GPBP1L1: variants seen among roughly 807,000 people sequenced by gnomAD.
The protein encoded by GPBP1L1 is GC-rich promoter binding protein 1 like 1, also known as vasculin-like protein 1.
A neutral mutation model predicts 52.5 loss-of-function variants in GPBP1L1; 23 were observed. The ratio of observed to expected loss-of-function variants is 0.44; its 90% CI spans 0.32 to 0.62. The LOEUF (loss-of-function observed/expected upper bound fraction) is 0.62. GPBP1L1 is among the 20% of genes least tolerant of loss of function. The probability of loss-of-function intolerance (pLI) is 0.06; values close to 1 mark genes in which losing one functional copy is unlikely to be tolerated. For synonymous variants in GPBP1L1, 243 were observed against 203.1 expected (o/e 1.20, Z -1.67); for missense variants, 596 against 579.3 (o/e 1.03, Z -0.30).
At chr1:45,645,085 T>A (rs919930342) in intron 6 of GPBP1L1, among the ~76,000 whole-genome samples, 1 of 152,218 alleles carries the variant, frequency 6.6e-6, no homozygotes, top group Non-Finnish European at 1.5e-5. Flanking sequence ...CAATTTGGCT[T>A]CTAAATCCTT....
chr1:45,673,854 G>A (rs548466711), intron 2 of GPBP1L1, among the ~76,000 whole-genome samples: 9 of 152,224 alleles, frequency 5.9e-5, no homozygotes, highest in Admixed American at 2.6e-4. Flanking sequence ...GCAAGACTCC[G>A]TCTCAAACAA....
At chr1:45,630,730 AT>A (rs10708598) in intron 10 of GPBP1L1, 124 bp from the exon 11 acceptor site, 293,776 of 1,032,956 alleles carry the variant, frequency 0.28, 45,244 homozygotes, top group South Asian at 0.36. Flanking sequence ...CAGCCCACAG[AT>A]TTTTTTCCCC....
chr1:45,642,793 T>A (rs1409639564), intron 6 of GPBP1L1, among the ~76,000 whole-genome samples: 1 of 152,198 alleles, frequency 6.6e-6, no homozygotes, highest in Admixed American at 6.5e-5. Context: ...TCCTATAGGA[T>A]ATGTATGCCA....
At chr1:45,683,979 C>T (rs948499385) in intron 2 of GPBP1L1, among the ~76,000 whole-genome samples, 1 of 151,220 alleles carries the variant, frequency 6.6e-6, no homozygotes. Flanking sequence ...ACAAGCCGGG[C>T]GGGGGCGGTG....
chr1:45,644,605 T>C (rs576255668), intron 6 of GPBP1L1, among the ~76,000 whole-genome samples: 1 of 152,312 alleles, frequency 6.6e-6, no homozygotes, highest in South Asian at 2.1e-4. Flanking sequence ...ACTATAGTTT[T>C]GTCTCCAAAA....
intron 2 of GPBP1L1, among the ~76,000 whole-genome samples, chr1:45,668,327 T>A (rs1002229956): frequency 1.1e-4 from 17 of 152,224 alleles, no homozygotes; most frequent in African/African-American, 3.6e-4. Flanking sequence ...TGAAATTTTT[T>A]AAGTACCTAA....
chr1:45,668,370 C>G (rs562831554), intron 2 of GPBP1L1, among the ~76,000 whole-genome samples: 45 of 152,252 alleles, frequency 3.0e-4, no homozygotes, highest in Non-Finnish European at 5.4e-4. Context: ...AACAGAACAC[C>G]TAGCCAGGTG....
At chr1:45,666,442 G>A (rs1286621336) in intron 2 of GPBP1L1, among the ~76,000 whole-genome samples, 4 of 152,074 alleles carry the variant, frequency 2.6e-5, no homozygotes, top group South Asian at 4.1e-4. Flanking sequence ...CACCGCGCTC[G>A]GCCTCAAAGT....
intron 6 of GPBP1L1, among the ~76,000 whole-genome samples, chr1:45,653,043 A>T (rs1362494302): frequency 1.3e-5 from 2 of 152,218 alleles, no homozygotes; most frequent in Admixed American, 1.3e-4. Context: ...GGCAGTATAG[A>T]CCTTCCTGAG....
At chr1:45,633,410 T>C (rs1644554907) in intron 10 of GPBP1L1, 79 bp downstream of exon 10, 11 of 1,479,024 alleles carry the variant, frequency 7.4e-6, no homozygotes, top group Admixed American at 5.5e-5. Context: ...GCCACATCTT[T>C]ATCCTTTAAG....
intron 6 of GPBP1L1, among the ~76,000 whole-genome samples, chr1:45,650,063 CAT>C (rs1483184954): frequency 3.9e-5 from 6 of 152,100 alleles, no homozygotes; most frequent in African/African-American, 1.4e-4. Context: ...TAAGAGTAAA[CAT>C]ATTAATATTG....
chr1:45,655,686 A>C (rs1413856705), intron 4 of GPBP1L1: 2 of 163,286 alleles, frequency 1.2e-5, no homozygotes, highest in African/African-American at 4.8e-5. Context: ...TTGCCTCAAA[A>C]ATAATTCTAA....
At chr1:45,643,060 T>C (rs1644694297) in intron 6 of GPBP1L1, among the ~76,000 whole-genome samples, 1 of 151,962 alleles carries the variant, frequency 6.6e-6, no homozygotes, top group East Asian at 1.9e-4. Flanking sequence ...ATGAAAAAAA[T>C]TCATATTAGG....
Position 45,628,146 on chromosome 1 carries a change from G to T in GPBP1L1, c.*110C>A. ...TCTTTGGGATATGATTATTTCCCTT[G>T]TGAATGAAGTATTCAACAACATAAG... On this transcript the variant is annotated 3_prime_UTR_variant, in exon 13 of 13. Coordinates refer to ENST00000355105, the MANE Select transcript of GPBP1L1 (RefSeq NM_021639.5). The T allele has an allele frequency of 9.7e-7, 1 of 1,030,304 alleles. No homozygotes were observed. The allele number at this position is 1,030,304 out of a possible 1,614,324, so 63.8% of individuals were successfully genotyped here.
At chr1:45,637,594 T>G (rs1208501386) in intron 8 of GPBP1L1, among the ~76,000 whole-genome samples, 1 of 151,012 alleles carries the variant, frequency 6.6e-6, no homozygotes, top group Non-Finnish European at 1.5e-5. Flanking sequence ...AAAGTGATCT[T>G]AAGTTTTGTA....
intron 7 of GPBP1L1, among the ~76,000 whole-genome samples, chr1:45,641,295 G>A (rs1167428623): frequency 6.6e-6 from 1 of 152,112 alleles, no homozygotes; most frequent in Non-Finnish European, 1.5e-5. Context: ...AGTCCAATTT[G>A]TAAATGCCAA....
In GPBP1L1 at chr1:45,640,595, A is replaced by C. The variant is rs373443889; in HGVS notation, c.551-192T>G. On this transcript the variant is annotated intron_variant, in intron 7 of 12. Coordinates refer to ENST00000355105, the MANE Select transcript of GPBP1L1 (RefSeq NM_021639.5). ...CAGGAACTGTACAAAAAAATGCAGC[A>C]TATGAGGAACTGGATACTAAATTTA... is the stretch of plus-strand genomic sequence containing the variant. Among the ~76,000 whole-genome samples the C allele has an allele frequency of 2.8e-4, 43 of 152,344 alleles. 1 individual carries two copies. In the Middle Eastern group the frequency reaches 0.034, roughly 121 times the overall value.
Position 45,630,673 on chromosome 1 carries a change from G to A in GPBP1L1, c.1045-67C>T, listed in dbSNP as rs1644518912. 7 of 1,554,940 alleles carry A rather than the reference G, an allele frequency of 4.5e-6. No individual in the cohort carries two copies. In the South Asian group the frequency reaches 5.9e-5, roughly 13 times the overall value. ...CTTTGTAGTAATATAAGCAACCTAT[G>A]AAATCAAGGACTCACGACCCAGGAA... On this transcript the variant is annotated intron_variant, in intron 10 of 12. Coordinates refer to ENST00000355105, the MANE Select transcript of GPBP1L1 (RefSeq NM_021639.5).
At chr1:45,650,565 C>T (rs760367220) in intron 6 of GPBP1L1, among the ~76,000 whole-genome samples, 6 of 152,062 alleles carry the variant, frequency 3.9e-5, no homozygotes, top group African/African-American at 7.2e-5. Flanking sequence ...GAAACCAATA[C>T]GATTTTAAAA....
Sources: gnomAD v4.1 joint callset for allele counts (sites outside exome capture counted in the v4.1 genomes callset) on GRCh38, gnomAD v4.1.1 for gene constraint, MANE v1.5 for transcripts, NCBI Gene and HGNC (gene_info 2026-07-23, HGNC 2026-07-21) for gene names.